The following DMXL2 variants were observed in gnomAD, a reference collection of about 807,000 sequenced individuals.
DMXL2 encodes Dmx like 2, also known as dmX-like protein 2.
Under a neutral mutation model 331.1 loss-of-function variants are expected in DMXL2, and 103 were observed. The ratio of observed to expected loss-of-function variants is 0.31; its 90% CI spans 0.27 to 0.37. The LOEUF is 0.37. Among genes scored for constraint, DMXL2 ranks in the 10% least tolerant of loss-of-function variants. The pLI is 1.00. For missense variants in DMXL2, 3,171 were observed against 3,642.9 expected, an observed-to-expected ratio of 0.87 and a Z score of 3.33; for synonymous variants, 1,281 against 1,252.1, an observed-to-expected ratio of 1.02 and a Z score of -0.49.
chr15:51,492,189 A>G (rs1234440898), intron 19 of DMXL2, among the ~76,000 whole-genome samples: 1 of 152,206 alleles, frequency 6.6e-6, no homozygotes, highest in African/African-American at 2.4e-5. Context: ...AGAGGACACA[A>G]GGTGTGTTAT....
At chr15:51,525,096 C>T (rs921401358) in intron 13 of DMXL2, among the ~76,000 whole-genome samples, 4 of 151,858 alleles carry the variant, frequency 2.6e-5, no homozygotes, top group African/African-American at 7.3e-5. Context: ...AGTCATGAGG[C>T]TCCCTTTCCA....
At chr15:51,552,614 T>C (rs2049291297) in intron 6 of DMXL2, among the ~76,000 whole-genome samples, 1 of 152,318 alleles carries the variant, frequency 6.6e-6, no homozygotes, top group East Asian at 1.9e-4. Context: ...TAATGTCACA[T>C]TCTCCTGGTT....
intron 17 of DMXL2, among the ~76,000 whole-genome samples, chr15:51,502,026 C>G (rs938205452): frequency 1.3e-5 from 2 of 150,644 alleles, no homozygotes; most frequent in African/African-American, 2.4e-5. Context: ...GTCAGGAGAT[C>G]GAGACCATCC....
At chr15:51,581,203 T>C (rs1280159467) in intron 1 of DMXL2, among the ~76,000 whole-genome samples, 4 of 152,138 alleles carry the variant, frequency 2.6e-5, no homozygotes, top group Non-Finnish European at 5.9e-5. Context: ...TAGATTCTCA[T>C]AGGAACTCAA....
intron 16 of DMXL2, among the ~76,000 whole-genome samples, chr15:51,504,940 C>CTA (rs1290973757): frequency 1.3e-5 from 2 of 152,166 alleles, no homozygotes; most frequent in African/African-American, 4.8e-5. Context: ...AAAGCAAAGA[C>CTA]TTTAGAGTCA....
At chr15:51,588,579 G>A (rs1477048105) in intron 1 of DMXL2, among the ~76,000 whole-genome samples, 1 of 152,042 alleles carries the variant, frequency 6.6e-6, no homozygotes, top group Non-Finnish European at 1.5e-5. Context: ...TAATATTTAT[G>A]ACAACTTCAA....
chr15:51,613,889 G>C (rs1309908876), intron 1 of DMXL2, among the ~76,000 whole-genome samples: 3 of 152,152 alleles, frequency 2.0e-5, no homozygotes, highest in Non-Finnish European at 4.4e-5. Flanking sequence ...CCACCAAGTA[G>C]GGTGGCCACC....
intron 13 of DMXL2, among the ~76,000 whole-genome samples, chr15:51,526,574 C>T (rs1417661643): frequency 4.6e-5 from 7 of 152,136 alleles, no homozygotes; most frequent in Non-Finnish European, 5.9e-5. Flanking sequence ...AGAGACCAAT[C>T]CTGGAGAAAC....
At chr15:51,476,526 T>G (rs1007101035) in intron 27 of DMXL2, 63 bp downstream of exon 27, 3 of 1,569,390 alleles carry the variant, frequency 1.9e-6, no homozygotes, top group Non-Finnish European at 1.7e-6. Context: ...AACTGGTCAG[T>G]AGGCTTTTAG....
At chr15:51,608,089 G>A (rs765727288) in intron 1 of DMXL2, among the ~76,000 whole-genome samples, 1 of 152,104 alleles carries the variant, frequency 6.6e-6, no homozygotes, top group Non-Finnish European at 1.5e-5. Context: ...GGAGGCTGAG[G>A]CAGGAGAACC....
At chr15:51,491,210 G>A (rs1486465773) in intron 20 of DMXL2, among the ~76,000 whole-genome samples, 1 of 152,204 alleles carries the variant, frequency 6.6e-6, no homozygotes, top group African/African-American at 2.4e-5. Flanking sequence ...GGAGGCCGAG[G>A]AGGGCAGATC....
chr15:51,485,977 A>T (rs550912450), intron 23 of DMXL2, 96 bp downstream of exon 23: 2 of 1,319,690 alleles, frequency 1.5e-6, no homozygotes, highest in South Asian at 3.4e-5. Flanking sequence ...TGAAAAGCAA[A>T]TCTGGTAATG....
At chr15:51,459,534 G>C in intron 34 of DMXL2, 64 bp downstream of exon 34, 1 of 1,254,720 alleles carries the variant, frequency 8.0e-7, no homozygotes, top group Non-Finnish European at 1.0e-6. Flanking sequence ...GTTAGTATCA[G>C]AGATGAGGCG....
At position 51,563,268 on chromosome 15, in the gene DMXL2, C is replaced by A. The variant is rs994647362; in HGVS notation, c.567+113G>T. ...ACTTTTATTCTTCAGGCCAGCTTTGCCAAGGAGGATTATCCCAGTTTTACA... is the reference window on the plus strand; with the variant it reads ...ACTTTTATTCTTCAGGCCAGCTTTGACAAGGAGGATTATCCCAGTTTTACA... On this transcript the variant is annotated intron_variant, in intron 6 of 43. Transcript: ENST00000560891. The A allele has an allele frequency of 1.5e-5, 13 of 892,704 alleles. No homozygotes were observed. The East Asian group carries it at 3.9e-4, about 27-fold the overall frequency. 55.3% of individuals were successfully genotyped at this position (892,704 alleles called of 1,614,324 possible). A position where few individuals can be genotyped will look rare whatever the true frequency, so the allele number is the denominator to read the frequency against.
intron 1 of DMXL2, among the ~76,000 whole-genome samples, chr15:51,600,804 T>G (rs1019244871): frequency 6.6e-6 from 1 of 152,082 alleles, no homozygotes; most frequent in Non-Finnish European, 1.5e-5. Flanking sequence ...AGGTCTGACA[T>G]TTAAGCATTA....
intron 7 of DMXL2, among the ~76,000 whole-genome samples, chr15:51,546,917 T>A (rs560564484): frequency 6.6e-6 from 1 of 152,134 alleles, no homozygotes; most frequent in Non-Finnish European, 1.5e-5. Flanking sequence ...AACAATTTCA[T>A]TGGCTGGACA....
At chr15:51,607,799 G>T (rs1286151068) in intron 1 of DMXL2, among the ~76,000 whole-genome samples, 2 of 152,178 alleles carry the variant, frequency 1.3e-5, no homozygotes, top group Non-Finnish European at 2.9e-5. Context: ...AGAAACAGTA[G>T]AGACCAGAAG....
intron 1 of DMXL2, among the ~76,000 whole-genome samples, chr15:51,617,977 G>A (rs6493513): frequency 0.48 from 72,358 of 151,998 alleles, 17,632 homozygotes; most frequent in Non-Finnish European, 0.52. Flanking sequence ...AAATGTATCC[G>A]TTTAAACAAA....
intron 15 of DMXL2, among the ~76,000 whole-genome samples, chr15:51,509,567 A>G (rs1357226455): frequency 6.6e-6 from 1 of 152,202 alleles, no homozygotes; most frequent in Non-Finnish European, 1.5e-5. Flanking sequence ...AGTAATTAAT[A>G]TCCTATCAAC....
Sources: allele counts gnomAD v4.1 joint callset (sites outside exome capture counted in the v4.1 genomes callset), GRCh38; gene constraint gnomAD v4.1.1; transcripts MANE v1.5; gene names NCBI Gene and HGNC (gene_info 2026-07-23, HGNC 2026-07-21).